Variants in RBFOX1 observed in about 807,000 individuals in gnomAD.
RBFOX1 encodes the protein RNA binding protein fox-1 homolog 1.
A neutral mutation model predicts 57.7 loss-of-function variants in RBFOX1; 8 were observed. The ratio of observed to expected loss-of-function variants is 0.14; its 90% CI spans 0.08 to 0.25. The LOEUF is 0.25. Ranked by LOEUF, RBFOX1 falls within the 10% of genes least tolerant of loss-of-function variation. RBFOX1 has a pLI of 1.00. For missense variants in RBFOX1, 611 were observed against 548.5 expected, an observed-to-expected ratio of 1.11 and a Z score of -1.14; for synonymous variants, 326 against 222.4, an observed-to-expected ratio of 1.47 and a Z score of -4.15.
chr16:6,086,769 C>T (rs72772875), intron 1 of RBFOX1, among the ~76,000 whole-genome samples: 5,767 of 152,260 alleles, frequency 0.038, 191 homozygotes, highest in East Asian at 0.2. Context: ...AGATATTCAG[C>T]AGGTATTTAT....
intron 2 of RBFOX1, among the ~76,000 whole-genome samples, chr16:6,582,326 C>G (rs375017444): frequency 7.2e-5 from 11 of 152,208 alleles, no homozygotes; most frequent in East Asian, 3.9e-4. Context: ...TAATGTACAA[C>G]TTATTTTCCA....
intron 3 of RBFOX1, among the ~76,000 whole-genome samples, chr16:6,758,232 C>G (rs2076098638): frequency 6.6e-6 from 1 of 152,028 alleles, no homozygotes; most frequent in Non-Finnish European, 1.5e-5. Flanking sequence ...TATTGGGAAG[C>G]TACTATCAGA....
chr16:5,617,210 T>C (rs1263676878), intron 3 of RBFOX1, among the ~76,000 whole-genome samples: 1 of 152,178 alleles, frequency 6.6e-6, no homozygotes, highest in Non-Finnish European at 1.5e-5. Flanking sequence ...ACTTCCGACT[T>C]TGACCCCAGA....
chr16:6,927,071 A>G (rs994970882), intron 3 of RBFOX1, among the ~76,000 whole-genome samples: 6 of 151,918 alleles, frequency 3.9e-5, no homozygotes, highest in African/African-American at 1.5e-4. Flanking sequence ...TTCTTTTCCT[A>G]TACCGATGGG....
intron 3 of RBFOX1, among the ~76,000 whole-genome samples, chr16:6,835,719 A>C (rs1165838690): frequency 3.6e-5 from 5 of 137,616 alleles, no homozygotes; most frequent in Non-Finnish European, 7.6e-5. Flanking sequence ...GAGTCATTGC[A>C]CTCCAGCCTG....
chr16:7,391,517 C>T (rs1210953649), intron 4 of RBFOX1, among the ~76,000 whole-genome samples: 1 of 152,180 alleles, frequency 6.6e-6, no homozygotes, highest in East Asian at 1.9e-4. Flanking sequence ...GGACCAGTTT[C>T]CTTGTCCCGT....
chr16:6,217,354 A>G (rs896475515), intron 1 of RBFOX1, among the ~76,000 whole-genome samples: 1 of 152,014 alleles, frequency 6.6e-6, no homozygotes, highest in Non-Finnish European at 1.5e-5. Context: ...TTCTGAAAAG[A>G]GGGAAGCTGA....
chr16:7,642,047 T>C (rs984156702), intron 11 of RBFOX1, among the ~76,000 whole-genome samples: 2 of 152,134 alleles, frequency 1.3e-5, no homozygotes, highest in Admixed American at 6.5e-5. Flanking sequence ...CCCAGGAGTT[T>C]GAGATTGCAG....
At chr16:6,198,830 A>G (rs966073533) in intron 1 of RBFOX1, among the ~76,000 whole-genome samples, 6 of 152,124 alleles carry the variant, frequency 3.9e-5, no homozygotes, top group African/African-American at 1.4e-4. Flanking sequence ...AGGGAAAATG[A>G]TGTTTATAGA....
At chr16:5,996,290 C>G (rs1283611099) in intron 4 of RBFOX1, among the ~76,000 whole-genome samples, 1 of 152,158 alleles carries the variant, frequency 6.6e-6, no homozygotes, top group African/African-American at 2.4e-5. Context: ...GCATTCATTT[C>G]ACCAGACGAT....
chr16:7,206,125 T>C (rs2089917997), intron 4 of RBFOX1, among the ~76,000 whole-genome samples: 1 of 152,206 alleles, frequency 6.6e-6, no homozygotes. Context: ...TAGTCTAATT[T>C]AGAAACATAA....
chr16:5,286,799 A>G (rs1157596519), intron 1 of RBFOX1, among the ~76,000 whole-genome samples: 1 of 152,250 alleles, frequency 6.6e-6, no homozygotes, highest in Non-Finnish European at 1.5e-5. Flanking sequence ...ATCGTAGCCT[A>G]AAAGCATATG....
chr16:5,549,225 C>T (rs544843379), intron 2 of RBFOX1, among the ~76,000 whole-genome samples: 1 of 152,150 alleles, frequency 6.6e-6, no homozygotes, highest in Non-Finnish European at 1.5e-5. Context: ...GAAATGCGGT[C>T]AGCATCTGGG....
At chr16:7,663,980 GTC>G (rs1184488153) in intron 12 of RBFOX1, among the ~76,000 whole-genome samples, 2 of 152,146 alleles carry the variant, frequency 1.3e-5, no homozygotes, top group Non-Finnish European at 2.9e-5. Context: ...GCCCTCTGAA[GTC>G]TCTTCTTTCT....
At chr16:7,125,816 C>T (rs2068373063) in intron 4 of RBFOX1, among the ~76,000 whole-genome samples, 1 of 152,162 alleles carries the variant, frequency 6.6e-6, no homozygotes, top group Non-Finnish European at 1.5e-5. Flanking sequence ...GGCGAAGTGC[C>T]TCACACCTGT....
intron 4 of RBFOX1, among the ~76,000 whole-genome samples, chr16:7,245,442 G>C (rs1012948616): frequency 8.1e-6 from 1 of 123,046 alleles, no homozygotes; most frequent in South Asian, 2.5e-4. Context: ...TTAGTTGAAT[G>C]TTTGAAACTC....
At chr16:7,189,745 A>G (rs1376184128) in intron 4 of RBFOX1, among the ~76,000 whole-genome samples, 2 of 152,250 alleles carry the variant, frequency 1.3e-5, no homozygotes, top group African/African-American at 4.8e-5. Context: ...TGGTTCCCAC[A>G]GACACCTGCA....
chr16:7,591,445 T>G (rs139432413), intron 7 of RBFOX1, among the ~76,000 whole-genome samples: 1 of 152,064 alleles, frequency 6.6e-6, no homozygotes, highest in African/African-American at 2.4e-5. Context: ...AAGGAAGATA[T>G]CACCTAAAAA....
At chr16:7,642,237 A>C (rs1211562299) in intron 11 of RBFOX1, among the ~76,000 whole-genome samples, 1 of 152,190 alleles carries the variant, frequency 6.6e-6, no homozygotes, top group African/African-American at 2.4e-5. Flanking sequence ...TCTGGCTCAG[A>C]TATCAGGCAG....
Sources: allele counts gnomAD v4.1 joint callset (sites outside exome capture counted in the v4.1 genomes callset), GRCh38; gene constraint gnomAD v4.1.1; transcripts MANE v1.5; gene names NCBI Gene and HGNC (gene_info 2026-07-23, HGNC 2026-07-21).